The following ZNF793 variants were observed in gnomAD, a reference collection of about 807,000 sequenced individuals.
ZNF793 encodes the protein zinc finger protein 793.
Under a neutral mutation model 12.4 loss-of-function variants are expected in ZNF793, and 5 were observed. The ratio of observed to expected loss-of-function variants is 0.40; its 90% CI spans 0.21 to 0.84. The LOEUF is 0.84. Ranked by LOEUF, ZNF793 falls within the 40% of genes least tolerant of loss-of-function variation. The pLI is 0.35. For synonymous variants in ZNF793, 162 were observed against 172.4 expected (o/e 0.94, Z 0.47); for missense variants, 456 against 495.0 (o/e 0.92, Z 0.75).
intron 7 of ZNF793, chr19:37,533,845 G>A: frequency 3.4e-6 from 1 of 296,536 alleles, no homozygotes; most frequent in Non-Finnish European, 6.2e-6. Context: ...GTGGGGAGGT[G>A]TGAAGGAAAT....
chr19:37,526,127 C>T (rs1344170038), intron 5 of ZNF793, among the ~76,000 whole-genome samples: 4 of 152,080 alleles, frequency 2.6e-5, no homozygotes, highest in Non-Finnish European at 5.9e-5. Context: ...AGTCACCATG[C>T]CGTGCTAATT....
intron 5 of ZNF793, 136 bp from the exon 6 acceptor site, chr19:37,532,220 G>T: frequency 5.5e-6 from 5 of 908,856 alleles, no homozygotes; most frequent in East Asian, 2.8e-5. Context: ...CACCATGTTT[G>T]CCAGGCTGAT....
At chr19:37,530,512 G>C (rs1016093584) in intron 5 of ZNF793, among the ~76,000 whole-genome samples, 2 of 152,166 alleles carry the variant, frequency 1.3e-5, no homozygotes, top group Admixed American at 6.5e-5. Context: ...TGAGATTAGG[G>C]AGTGGTGATG....
intron 2 of ZNF793, among the ~76,000 whole-genome samples, chr19:37,515,719 G>T (rs1199516866): frequency 6.6e-6 from 1 of 152,198 alleles, no homozygotes; most frequent in Non-Finnish European, 1.5e-5. Context: ...GAAAATTGGA[G>T]TACCTGTGTG....
intron 7 of ZNF793, chr19:37,534,992 C>CT (rs985113484): frequency 1.3e-5 from 2 of 151,892 alleles, no homozygotes; most frequent in Non-Finnish European, 2.9e-5. Context: ...TCCTTCTCCA[C>CT]TTTTTTTTGT....
intron 3 of ZNF793, among the ~76,000 whole-genome samples, chr19:37,521,142 C>A (rs1247324003): frequency 6.6e-6 from 1 of 152,180 alleles, no homozygotes; most frequent in Non-Finnish European, 1.5e-5. Flanking sequence ...TGTGTGCCAC[C>A]ATGCCCGGCT....
intron 3 of ZNF793, among the ~76,000 whole-genome samples, chr19:37,520,804 C>A (rs1384676306): frequency 6.6e-6 from 1 of 152,120 alleles, no homozygotes; most frequent in Non-Finnish European, 1.5e-5. Flanking sequence ...TAGTTCACTC[C>A]ATCCTGACTC....
Position 37,537,453 on chromosome 19 carries a change from A to G in ZNF793, c.795A>G (p.Ser265=). ...GCACTGACTGTGGGAAAGCCTTTTC[A>G]CATAAGTCAACCCTCATCAAACACC... ...YGCTDCGKAF[S]HKSTLIKHQR... The change falls in exon 8 of 8, where the codon TCA becomes TCG. Residue 265 remains serine (S), a synonymous_variant. Coordinates refer to ENST00000627814, the MANE Select transcript of ZNF793 (RefSeq NM_001013659.3). 1 of 1,613,766 alleles carries G rather than the reference A, an allele frequency of 6.2e-7. No individual in the cohort carries two copies. Among genetic ancestry groups the G allele is most frequent in the Admixed American group, 1.7e-5 (1 of 59,968 alleles).
chr19:37,518,004 G>A (rs1446031274), intron 2 of ZNF793, among the ~76,000 whole-genome samples: 1 of 151,816 alleles, frequency 6.6e-6, no homozygotes, highest in Non-Finnish European at 1.5e-5. Context: ...TCATAGATTC[G>A]GACTTACATA....
Position 37,537,577 on chromosome 19 carries a change from GGA to G in ZNF793, c.926_927del (p.Arg309ThrfsTer6). On this transcript the variant is annotated frameshift_variant, in exon 8 of 8. Coordinates refer to ENST00000627814, the MANE Select transcript of ZNF793 (RefSeq NM_001013659.3). LOFTEE classifies it low-confidence loss of function (END_TRUNC). ...CACAGAACATCAGAGAACACACACA[GGA>G]GAGAGACCCTTTGTCTGCAGTGAAT... is the stretch of plus-strand genomic sequence containing the variant. ...HRTEHQRTHT[G>X]ERPFVCSECG... is the part of the protein sequence containing the mutation. 6.2e-7 allele frequency: 1 copy of G among 1,614,140 alleles called. No homozygotes were observed. Among genetic ancestry groups the G allele is most frequent in the South Asian group, 1.1e-5 (1 of 91,072 alleles).
intron 5 of ZNF793, among the ~76,000 whole-genome samples, chr19:37,529,940 G>A (rs982643468): frequency 2.0e-5 from 3 of 151,996 alleles, no homozygotes; most frequent in Admixed American, 6.6e-5. Flanking sequence ...TCAGCATACG[G>A]AGGATCCCGC....
Position 37,523,400 on chromosome 19 carries a change from A to G in ZNF793, c.-30-10A>G, listed in dbSNP as rs561375755. 2.2e-5 allele frequency: 35 copies of G among 1,607,856 alleles called. 1 individual carries two copies. In the South Asian group the frequency reaches 3.6e-4, roughly 17 times the overall value. The stretch of plus-strand genomic sequence containing the variant: ...TCTTTCTCCATCTTCTTCCCCCCAC[A>G]TGTCTACAGGTGTCAGATCTTTTTC... On this transcript the variant is annotated splice_polypyrimidine_tract_variant and intron_variant, in intron 4 of 7. Coordinates refer to ENST00000627814, the MANE Select transcript of ZNF793 (RefSeq NM_001013659.3).
Position 37,536,982 on chromosome 19 carries a change from GC to G in ZNF793, c.327del (p.Lys110ArgfsTer16). On this transcript the variant is annotated frameshift_variant, in exon 8 of 8. Coordinates refer to ENST00000627814, the MANE Select transcript of ZNF793 (RefSeq NM_001013659.3). LOFTEE classifies it low-confidence loss of function (END_TRUNC). ...GCGCAGCCATAAGCAAGAAAACATT[GC>G]CCAAGGAGAAAAGCTGTGAATATAA... ...PGAAISKKTL[P>X]KEKSCEYNKF... is the part of the protein sequence containing the mutation. 6.2e-7 allele frequency: 1 copy of G among 1,613,948 alleles called. No individual in the cohort carries two copies. Among genetic ancestry groups the G allele is most frequent in the Non-Finnish European group, 8.5e-7 (1 of 1,179,856 alleles).
At chr19:37,528,186 A>G (rs1204625648) in intron 5 of ZNF793, among the ~76,000 whole-genome samples, 1 of 152,162 alleles carries the variant, frequency 6.6e-6, no homozygotes, top group Non-Finnish European at 1.5e-5. Context: ...CTCATGAAGC[A>G]GAGTTTAGGA....
intron 2 of ZNF793, among the ~76,000 whole-genome samples, chr19:37,509,295 G>C (rs2042274879): frequency 1.3e-5 from 2 of 152,082 alleles, no homozygotes; most frequent in Admixed American, 6.6e-5. Flanking sequence ...ATATCCATGT[G>C]TACACATTAT....
rs535109896 is a variant in ZNF793 at position 37,542,275 on chromosome 19, C to A, written c.*4396C>A. ...GGGCATGGTGGCAGGCACCTGTGAT[C>A]CCAGCTACTCGGGAGGCTGAGGCAG... On this transcript the variant is annotated 3_prime_UTR_variant, in exon 8 of 8. Coordinates refer to ENST00000627814, the MANE Select transcript of ZNF793 (RefSeq NM_001013659.3). 4.0e-5 allele frequency: 8 copies of A among 198,812 alleles called. No homozygotes were observed. The highest frequency in any genetic ancestry group is 1.4e-4 in the African/African-American group (6 of 43,046). 12.3% of individuals were successfully genotyped at this position (198,812 alleles called of 1,614,324 possible). A position where few individuals can be genotyped will look rare whatever the true frequency, so the allele number is the denominator to read the frequency against.
chr19:37,509,566 G>A (rs6508732), intron 2 of ZNF793, among the ~76,000 whole-genome samples: 43,546 of 152,038 alleles, frequency 0.29, 8,023 homozygotes, highest in African/African-American at 0.52. Flanking sequence ...GATAGTCCCT[G>A]TTTTTCACTT....
At chr19:37,511,805 T>G (rs1230409049) in intron 2 of ZNF793, among the ~76,000 whole-genome samples, 2 of 152,192 alleles carry the variant, frequency 1.3e-5, no homozygotes, top group African/African-American at 4.8e-5. Flanking sequence ...GGGTTTCTAG[T>G]AGGGTCCCAT....
intron 5 of ZNF793, among the ~76,000 whole-genome samples, chr19:37,532,017 T>G (rs916924466): frequency 2.9e-5 from 2 of 70,166 alleles, no homozygotes; most frequent in Non-Finnish European, 1.1e-4. Context: ...TGCACAAAAT[T>G]TTTTTTTTTT....
Sources: allele counts gnomAD v4.1 joint callset (sites outside exome capture counted in the v4.1 genomes callset), GRCh38; gene constraint gnomAD v4.1.1; transcripts MANE v1.5; gene names NCBI Gene and HGNC (gene_info 2026-07-23, HGNC 2026-07-21).